Variants in MICU2 observed in about 807,000 individuals in gnomAD.
The protein encoded by MICU2 is mitochondrial calcium uptake 2.
MICU2 carries 64 observed loss-of-function variants against 60.4 expected under a neutral mutation model. That is an observed-to-expected ratio of 1.06 (90% CI 0.87 to 1.31). The LOEUF (loss-of-function observed/expected upper bound fraction) is 1.31, where lower values mean the gene tolerates loss of function less well. Among genes scored for constraint, MICU2 ranks in the 50% most tolerant of loss-of-function variants. The pLI, the probability that MICU2 is intolerant of heterozygous loss-of-function variation, is 0.00. For synonymous variants in MICU2, 201 were observed against 175.0 expected, an observed-to-expected ratio of 1.15 and a Z score of -1.17; for missense variants, 569 against 531.0, an observed-to-expected ratio of 1.07 and a Z score of -0.70.
chr13:21,506,962 C>T (rs916778430), intron 8 of MICU2, among the ~76,000 whole-genome samples: 8 of 152,102 alleles, frequency 5.3e-5, no homozygotes, highest in East Asian at 1.9e-4. Context: ...TTGGCTAGTA[C>T]GTTAGTGCAA....
At chr13:21,582,951 T>G (rs1320099866) in intron 1 of MICU2, 1 of 163,408 alleles carries the variant, frequency 6.1e-6, no homozygotes, top group Non-Finnish European at 1.3e-5. Context: ...AAATTTATAT[T>G]CGAGTGCTAT....
At chr13:21,541,210 T>G (rs1428750186) in intron 2 of MICU2, among the ~76,000 whole-genome samples, 3 of 152,064 alleles carry the variant, frequency 2.0e-5, no homozygotes, top group Non-Finnish European at 4.4e-5. Context: ...GGGTGTTATC[T>G]GTTTGAAGGC....
chr13:21,526,114 T>A (rs965521511), intron 4 of MICU2, among the ~76,000 whole-genome samples: 2 of 79,950 alleles, frequency 2.5e-5, no homozygotes, highest in African/African-American at 8.4e-5. Context: ...ATTAAAATAC[T>A]TTTTTTTTTT....
chr13:21,497,360 G>C (rs997396503), intron 9 of MICU2, among the ~76,000 whole-genome samples: 1 of 152,024 alleles, frequency 6.6e-6, no homozygotes, highest in Non-Finnish European at 1.5e-5. Flanking sequence ...GTGAGACTCT[G>C]TGTAAAAACA....
intron 2 of MICU2, among the ~76,000 whole-genome samples, chr13:21,556,235 T>G (rs1044520517): frequency 1.3e-5 from 2 of 152,196 alleles, no homozygotes; most frequent in African/African-American, 4.8e-5. Context: ...CAATTCTTAG[T>G]CCTCATCTGA....
At chr13:21,526,819 A>C (rs1886868753) in intron 4 of MICU2, among the ~76,000 whole-genome samples, 2 of 152,168 alleles carry the variant, frequency 1.3e-5, no homozygotes, top group African/African-American at 4.8e-5. Context: ...GGAAAAAAAA[A>C]AACTACTATG....
At chr13:21,579,791 A>G (rs1888307873) in intron 1 of MICU2, among the ~76,000 whole-genome samples, 1 of 152,174 alleles carries the variant, frequency 6.6e-6, no homozygotes, top group Non-Finnish European at 1.5e-5. Flanking sequence ...AATATTAAAT[A>G]TATAATCCAA....
intron 6 of MICU2, among the ~76,000 whole-genome samples, chr13:21,516,824 TA>T (rs1886582358): frequency 6.6e-6 from 1 of 152,218 alleles, no homozygotes; most frequent in Non-Finnish European, 1.5e-5. Context: ...GATAAAACTA[TA>T]ATGCTACTAT....
At chr13:21,505,579 T>C (rs539680618) in intron 8 of MICU2, among the ~76,000 whole-genome samples, 3 of 152,240 alleles carry the variant, frequency 2.0e-5, no homozygotes, top group African/African-American at 7.2e-5. Flanking sequence ...ATTAGTTGTA[T>C]AAGTAAAAAA....
At chr13:21,544,274 C>T (rs1469671761) in intron 2 of MICU2, among the ~76,000 whole-genome samples, 2 of 152,012 alleles carry the variant, frequency 1.3e-5, no homozygotes, top group African/African-American at 4.8e-5. Context: ...AATAAGACCT[C>T]AAAAGCACAG....
rs139423926 is a variant in MICU2, at chr13:21,515,822, C to A, written c.598-1404G>T. The stretch of plus-strand genomic sequence containing the variant: ...GCCAGTTTTCAATGCCCCCCTTTCC[C>A]CTACTTAATTATTTTTGGGAAAAAA... On this transcript the variant is annotated intron_variant, in intron 6 of 11. Coordinates refer to ENST00000382374, the MANE Select transcript of MICU2 (RefSeq NM_152726.3). Among the ~76,000 whole-genome samples, 903 of 152,254 alleles carry A rather than the reference C, an allele frequency of 5.9e-3. 7 individuals carry two copies. The highest frequency in any genetic ancestry group is 0.021 in the African/African-American group (857 of 41,540).
At position 21,507,764 on chromosome 13, in the gene MICU2, C is replaced by T. The variant is rs139453959; in HGVS notation, c.761+2240G>A. Among the ~76,000 whole-genome samples the T allele has an allele frequency of 5.2e-3, 794 of 151,622 alleles. 14 individuals are homozygous for T. Among genetic ancestry groups the T allele is most frequent in the African/African-American group, 0.018 (740 of 41,306 alleles). On this transcript the variant is annotated intron_variant, in intron 8 of 11. Transcript: ENST00000382374. ...GATTACAGATGCCTGCCACCTCGCC[C>T]GGCTAATTTTTGTATTTTTAGTAGA...
chr13:21,580,590 AAATATTT>A (rs1172348273), intron 1 of MICU2, among the ~76,000 whole-genome samples: 1 of 152,028 alleles, frequency 6.6e-6, no homozygotes, highest in Non-Finnish European at 1.5e-5. Flanking sequence ...AAGTACTCTT[AAATATTT>A]AAGAGTAACT....
At chr13:21,580,897 C>T (rs1262269712) in intron 1 of MICU2, among the ~76,000 whole-genome samples, 1 of 152,014 alleles carries the variant, frequency 6.6e-6, no homozygotes, top group Non-Finnish European at 1.5e-5. Context: ...GTGTCTGTTC[C>T]ATTTATAAAG....
chr13:21,600,381 A>G (rs1303378721), intron 1 of MICU2, among the ~76,000 whole-genome samples: 5 of 152,198 alleles, frequency 3.3e-5, no homozygotes, highest in African/African-American at 1.2e-4. Context: ...GTCAACCTAC[A>G]CATAATTCCT....
intron 4 of MICU2, among the ~76,000 whole-genome samples, chr13:21,524,831 G>A (rs566068911): frequency 6.6e-6 from 1 of 152,160 alleles, no homozygotes; most frequent in South Asian, 2.1e-4. Flanking sequence ...TCTCTGTGAC[G>A]TTGCCTATTC....
chr13:21,594,754 C>T (rs1018377699), intron 1 of MICU2, among the ~76,000 whole-genome samples: 3 of 152,168 alleles, frequency 2.0e-5, no homozygotes, highest in Non-Finnish European at 4.4e-5. Flanking sequence ...TGGAAGCCAT[C>T]ATCCTCAGCA....
rs956790626 is a variant in MICU2, at chr13:21,539,358, G to A, written c.410C>T (p.Ser137Leu). 3 of 1,613,820 alleles carry A rather than the reference G, an allele frequency of 1.9e-6. No individual in the cohort carries two copies. In the African/African-American group the frequency reaches 4.0e-5, roughly 22 times the overall value. Reference sequence around the variant, plus strand: ...TCCACAGCCAGCTGTTTGGATCCCTGACAGTGTATCCTCGATGTCCTTTGA... The same window carrying A: ...TCCACAGCCAGCTGTTTGGATCCCTAACAGTGTATCCTCGATGTCCTTTGA... The part of the protein sequence containing the change: ...LTKKDIEDTL[S>L]GIQTAGCGST... Residue 137 changes from serine to leucine, a missense_variant, in exon 4 of 12, where the codon TCA becomes TTA. By Grantham distance (145) the Ser-to-Leu change is moderately radical. Coordinates refer to ENST00000382374, the MANE Select transcript of MICU2 (RefSeq NM_152726.3).
At chr13:21,585,405 T>C (rs994191950) in intron 1 of MICU2, among the ~76,000 whole-genome samples, 2 of 152,224 alleles carry the variant, frequency 1.3e-5, no homozygotes, top group Non-Finnish European at 2.9e-5. Flanking sequence ...TGCTATAAAG[T>C]TTACTGCTCT....
Sources: allele counts gnomAD v4.1 joint callset (sites outside exome capture counted in the v4.1 genomes callset), GRCh38; gene constraint gnomAD v4.1.1; transcripts MANE v1.5; gene names NCBI Gene and HGNC (gene_info 2026-07-23, HGNC 2026-07-21).